The following LGR6 variants were observed in gnomAD, a reference collection of about 807,000 sequenced individuals.
LGR6 encodes the protein leucine rich repeat containing G protein-coupled receptor 6.
A neutral mutation model predicts 69.4 loss-of-function variants in LGR6; 45 were observed. The ratio of observed to expected loss-of-function variants is 0.65; its 90% CI spans 0.51 to 0.83. The LOEUF is 0.83. Ranked by LOEUF, LGR6 falls within the 40% of genes least tolerant of loss-of-function variation. The pLI is 0.00. For missense variants in LGR6, 1,108 were observed against 1,246.7 expected, an observed-to-expected ratio of 0.89 and a Z score of 1.68; for synonymous variants, 538 against 555.0, an observed-to-expected ratio of 0.97 and a Z score of 0.43.
At chr1:202,295,870 A>T (rs1220415082) in intron 6 of LGR6, among the ~76,000 whole-genome samples, 10 of 144,042 alleles carry the variant, frequency 6.9e-5, no homozygotes, top group Non-Finnish European at 1.5e-4. Context: ...TTGGGTAATT[A>T]GTGTGTGTGT....
chr1:202,276,573 G>T, intron 5 of LGR6, 52 bp downstream of exon 5: 1 of 1,454,352 alleles, frequency 6.9e-7, no homozygotes, highest in Non-Finnish European at 9.5e-7. Context: ...GGGGGCTGGG[G>T]GCTGCATGTT....
intron 15 of LGR6, 112 bp downstream of exon 15, chr1:202,309,288 A>G: frequency 7.5e-7 from 1 of 1,338,352 alleles, no homozygotes; most frequent in Non-Finnish European, 1.0e-6. Context: ...TTAGGGTTTG[A>G]CCAAGATTTA....
At chr1:202,263,681 A>G (rs1664416359) in intron 4 of LGR6, among the ~76,000 whole-genome samples, 1 of 152,204 alleles carries the variant, frequency 6.6e-6, no homozygotes, top group African/African-American at 2.4e-5. Context: ...ATGTGAGGTT[A>G]GGTCAGAAGG....
At chr1:202,300,820 C>T (rs377364000) in intron 7 of LGR6, 29 bp from the exon 8 acceptor site, 354 of 1,566,458 alleles carry the variant, frequency 2.3e-4, no homozygotes, top group Non-Finnish European at 2.9e-4. Context: ...TTCTCCAAAT[C>T]CTCACTGGTT....
chr1:202,302,044 G>A (rs559738605), intron 9 of LGR6, among the ~76,000 whole-genome samples: 6 of 152,002 alleles, frequency 3.9e-5, no homozygotes, highest in Admixed American at 2.6e-4. Flanking sequence ...AAAATTAGCC[G>A]GACGTGGTGG....
intron 14 of LGR6, 105 bp from the exon 15 acceptor site, chr1:202,308,946 C>T: frequency 1.4e-6 from 2 of 1,385,538 alleles, no homozygotes; most frequent in Non-Finnish European, 2.0e-6. Flanking sequence ...CTTTGCTCCT[C>T]TCCTCTTGCT....
chr1:202,215,472 C>T (rs6686987), intron 1 of LGR6, among the ~76,000 whole-genome samples: 52,253 of 151,972 alleles, frequency 0.34, 9,320 homozygotes, highest in Non-Finnish European at 0.4. Context: ...ACAGAATTCA[C>T]GCCCACATAC....
rs768665010 is a variant in LGR6 at position 202,303,232 on chromosome 1, G to C, written c.930-47G>C. On this transcript the variant is annotated intron_variant, in intron 9 of 17. Transcript: ENST00000367278. ...ATGGAGAATTGAGAGTCTTGATGTT[G>C]AGATGCTCTGACCCCACCCCTCAGA... The C allele has an allele frequency of 5.7e-6, 8 of 1,391,490 alleles. No homozygotes were observed. In the African/African-American group the frequency reaches 1.1e-4, roughly 20 times the overall value. The allele number at this position is 1,391,490 out of a possible 1,614,324, so 86.2% of individuals were successfully genotyped here.
intron 1 of LGR6, among the ~76,000 whole-genome samples, chr1:202,199,994 A>T (rs1009831634): frequency 9.9e-5 from 15 of 152,252 alleles, no homozygotes; most frequent in African/African-American, 3.6e-4. Context: ...TACTGGTGAC[A>T]GGACGGGGAG....
rs1410950151 is a variant in LGR6 at position 202,193,945 on chromosome 1, C to T, written c.-45C>T. 9 of 1,209,992 alleles carry T rather than the reference C, an allele frequency of 7.4e-6. No individual in the cohort carries two copies. Among genetic ancestry groups the T allele is most frequent in the African/African-American group, 6.4e-5 (4 of 62,034 alleles). 75.0% of individuals were successfully genotyped at this position (1,209,992 alleles called of 1,614,324 possible). On this transcript the variant is annotated 5_prime_UTR_variant, in exon 1 of 18. Coordinates refer to ENST00000367278, the MANE Select transcript of LGR6 (RefSeq NM_001017403.2). ...AAGCAGCTGCGGCCATCGCGCCGTG[C>T]GTCCGCGCCCGGCCGCCAGGTGCCC... is the stretch of plus-strand genomic sequence containing the variant.
chr1:202,213,315 A>G (rs1659534479), intron 1 of LGR6, among the ~76,000 whole-genome samples: 2 of 152,098 alleles, frequency 1.3e-5, no homozygotes, highest in Admixed American at 6.5e-5. Flanking sequence ...TGGTAGTCTT[A>G]GTTACACACA....
chr1:202,224,064 C>G (rs1660340808), intron 1 of LGR6, among the ~76,000 whole-genome samples: 1 of 152,000 alleles, frequency 6.6e-6, no homozygotes, highest in Non-Finnish European at 1.5e-5. Flanking sequence ...GCCCAGAGGT[C>G]AAGGGCCCAA....
chr1:202,315,781 C>T (rs894981099), intron 17 of LGR6, among the ~76,000 whole-genome samples: 6 of 152,196 alleles, frequency 3.9e-5, no homozygotes, highest in South Asian at 4.1e-4. Flanking sequence ...GACAACAGCA[C>T]GCCCTCTAGT....
At chr1:202,196,437 C>T (rs1048920458) in intron 1 of LGR6, among the ~76,000 whole-genome samples, 1 of 152,124 alleles carries the variant, frequency 6.6e-6, no homozygotes, top group African/African-American at 2.4e-5. Context: ...CCAGCTTGGC[C>T]CTGCCCCATG....
chr1:202,238,627 A>T (rs1184075675), intron 4 of LGR6, among the ~76,000 whole-genome samples: 1 of 145,074 alleles, frequency 6.9e-6, no homozygotes, highest in Non-Finnish European at 1.5e-5. Flanking sequence ...GTTTCACCAT[A>T]TTGGCCAGGC....
intron 4 of LGR6, among the ~76,000 whole-genome samples, chr1:202,245,494 C>T (rs1161828866): frequency 6.6e-6 from 1 of 152,136 alleles, no homozygotes; most frequent in Non-Finnish European, 1.5e-5. Flanking sequence ...TGCGGGAACA[C>T]CTCAGCTCAG....
At chr1:202,222,281 C>T (rs1187282881) in intron 1 of LGR6, among the ~76,000 whole-genome samples, 1 of 152,222 alleles carries the variant, frequency 6.6e-6, no homozygotes, top group Non-Finnish European at 1.5e-5. Context: ...CCACCCCACC[C>T]CCTTTACTGA....
intron 16 of LGR6, among the ~76,000 whole-genome samples, chr1:202,314,124 C>T (rs193021721): frequency 2.0e-5 from 3 of 152,118 alleles, no homozygotes; most frequent in Non-Finnish European, 4.4e-5. Flanking sequence ...TGTCTCCATT[C>T]GAATCATAAT....
At chr1:202,231,668 T>C (rs543499112) in intron 3 of LGR6, among the ~76,000 whole-genome samples, 4 of 152,350 alleles carry the variant, frequency 2.6e-5, no homozygotes, top group African/African-American at 9.6e-5. Context: ...AAACAGATTC[T>C]TTGTAGTTCA....
Sources: allele counts gnomAD v4.1 joint callset (sites outside exome capture counted in the v4.1 genomes callset), GRCh38; gene constraint gnomAD v4.1.1; transcripts MANE v1.5; gene names NCBI Gene and HGNC (gene_info 2026-07-23, HGNC 2026-07-21).